The following MCC variants were observed in gnomAD, a reference collection of about 807,000 sequenced individuals.
MCC encodes MCC regulator of Wnt signaling pathway.
In MCC, 90 loss-of-function variants were observed where a neutral mutation model predicts 116.2. The ratio of observed to expected loss-of-function variants is 0.77; its 90% CI spans 0.65 to 0.92. The LOEUF is 0.92. Among genes scored for constraint, MCC ranks in the 40% least tolerant of loss-of-function variants. MCC has a pLI of 0.00. For synonymous variants in MCC, 578 were observed against 510.5 expected (o/e 1.13, Z -1.78); for missense variants, 1,516 against 1,312.2 (o/e 1.16, Z -2.40).
intron 3 of MCC, among the ~76,000 whole-genome samples, chr5:113,202,214 GAAA>G (rs796669446): frequency 6.9e-6 from 1 of 145,156 alleles, no homozygotes; most frequent in African/African-American, 2.5e-5. Context: ...GCAAAAGGGG[GAAA>G]AAAAAAAAGG....
intron 1 of MCC, among the ~76,000 whole-genome samples, chr5:113,424,132 T>TACCC (rs1554082656): frequency 8.9e-6 from 1 of 112,660 alleles, no homozygotes; most frequent in Non-Finnish European, 1.8e-5. Context: ...AGTCATCCTC[T>TACCC]ACACACACAC....
Position 113,434,071 on chromosome 5 carries a change from C to A in MCC, c.171-48859G>T. 2 of 1,614,168 alleles carry A rather than the reference C, an allele frequency of 1.2e-6. No individual in the cohort carries two copies. Among genetic ancestry groups the A allele is most frequent in the Non-Finnish European group, 1.7e-6 (2 of 1,179,986 alleles). The stretch of plus-strand genomic sequence containing the variant: ...TCGTCGATGTGGAGCCGCCGGTTGA[C>A]GTCGGGCTGCAGCATGTGGTAGATG... On this transcript the variant is annotated intron_variant, in intron 1 of 18. Coordinates refer to ENST00000408903, the MANE Select transcript of MCC (RefSeq NM_001085377.2). This position sits in a 1 kb window ranked among gnomAD's most constrained non-coding sequence, Gnocchi z 4.2.
At chr5:113,114,228 A>T (rs756763621) in intron 6 of MCC, among the ~76,000 whole-genome samples, 2 of 152,224 alleles carry the variant, frequency 1.3e-5, no homozygotes, top group Non-Finnish European at 1.5e-5. Context: ...GAAGATTTTT[A>T]AAATAAAAAG....
intron 1 of MCC, among the ~76,000 whole-genome samples, chr5:113,463,620 C>T (rs1561585856): frequency 6.6e-6 from 1 of 152,116 alleles, no homozygotes; most frequent in Non-Finnish European, 1.5e-5. Context: ...TGGGAAGAAT[C>T]CTGAATCCAT....
intron 3 of MCC, among the ~76,000 whole-genome samples, chr5:113,200,519 T>C (rs534678950): frequency 6.6e-6 from 1 of 152,120 alleles, no homozygotes; most frequent in Non-Finnish European, 1.5e-5. Context: ...ACACCAAGAC[T>C]ATCTGGTTCA....
At chr5:113,466,993 T>C (rs1296709079) in intron 1 of MCC, among the ~76,000 whole-genome samples, 1 of 152,160 alleles carries the variant, frequency 6.6e-6, no homozygotes, top group Non-Finnish European at 1.5e-5. Flanking sequence ...TTTTGAGAAG[T>C]GTCTGTTCAT....
intron 1 of MCC, among the ~76,000 whole-genome samples, chr5:113,425,387 C>T (rs1770454015): frequency 1.3e-5 from 2 of 150,882 alleles, no homozygotes; most frequent in African/African-American, 4.9e-5. Flanking sequence ...GGGAGAGGGA[C>T]ACCACCAAAA....
Position 113,069,384 on chromosome 5 carries a change from C to T in MCC, c.1926-1201G>A, listed in dbSNP as rs189458731. On this transcript the variant is annotated intron_variant, in intron 12 of 18. Coordinates refer to ENST00000408903, the MANE Select transcript of MCC (RefSeq NM_001085377.2). Reference sequence around the variant, plus strand: ...TCAAACAACAGTCCCTTTCCTGTAGCGTGAGACCCACGTGGCCCACGTCCA... The same window carrying T: ...TCAAACAACAGTCCCTTTCCTGTAGTGTGAGACCCACGTGGCCCACGTCCA... Among the ~76,000 whole-genome samples the T allele has an allele frequency of 1.0e-3, 154 of 152,362 alleles. 1 individual carries two copies. The highest frequency in any genetic ancestry group is 3.4e-3 in the African/African-American group (140 of 41,576).
intron 14 of MCC, among the ~76,000 whole-genome samples, chr5:113,055,582 AC>A (rs1752778445): frequency 6.6e-6 from 1 of 152,086 alleles, no homozygotes; most frequent in African/African-American, 2.4e-5. Context: ...AGCACTAGAA[AC>A]CCTTTGGGGC....
At chr5:113,043,674 G>GGCAGCACCCTGGAAGCCT in intron 16 of MCC, 44 bp from the exon 17 acceptor site, 1 of 1,440,482 alleles carries the variant, frequency 6.9e-7, no homozygotes, top group Admixed American at 1.7e-5. Flanking sequence ...AATCCAAGCC[G>GGCAGCACCCTGGAAGCCT]GCAGCACCCT....
intron 3 of MCC, among the ~76,000 whole-genome samples, chr5:113,190,260 T>C (rs1388759702): frequency 1.3e-5 from 2 of 152,172 alleles, no homozygotes; most frequent in African/African-American, 4.8e-5. Context: ...TCTAAACTGG[T>C]AGGGCTCTAA....
At chr5:113,280,243 T>A (rs1765991289) in intron 3 of MCC, among the ~76,000 whole-genome samples, 1 of 152,208 alleles carries the variant, frequency 6.6e-6, no homozygotes, top group Admixed American at 6.5e-5. Context: ...CAGATCCTTT[T>A]TCATGGAAAG....
rs370600826 is a variant in MCC, at chr5:113,064,145, G to A, written c.2052C>T (p.Asn684=). ...SSPGDQSGDE[N]ITQMLKRAHD... ...GAGCTCGCTTGAGCATCTGAGTGATGTTTTCATCCCCCGACTGGTCTCCTA... is the reference window on the plus strand; with the variant it reads ...GAGCTCGCTTGAGCATCTGAGTGATATTTTCATCCCCCGACTGGTCTCCTA... The change falls in exon 14 of 19, where the codon AAC becomes AAT. Residue 684 remains asparagine (N), a synonymous_variant. Coordinates refer to ENST00000408903, the MANE Select transcript of MCC (RefSeq NM_001085377.2). 8.1e-6 allele frequency: 13 copies of A among 1,613,018 alleles called. No individual in the cohort carries two copies. The highest frequency in any genetic ancestry group is 1.7e-5 in the Admixed American group (1 of 59,898).
chr5:113,387,193 A>C (rs1291419490), intron 1 of MCC, among the ~76,000 whole-genome samples: 1 of 152,174 alleles, frequency 6.6e-6, no homozygotes, highest in East Asian at 1.9e-4. Context: ...CTCATAGCTT[A>C]AGAAAAGTCA....
intron 16 of MCC, among the ~76,000 whole-genome samples, chr5:113,047,608 G>C (rs781293126): frequency 1.3e-5 from 2 of 152,170 alleles, no homozygotes; most frequent in Non-Finnish European, 2.9e-5. Flanking sequence ...GCTATGAGAA[G>C]CAGCTTATTA....
At chr5:113,387,593 G>T (rs369613486) in intron 1 of MCC, among the ~76,000 whole-genome samples, 21 of 152,300 alleles carry the variant, frequency 1.4e-4, no homozygotes, top group East Asian at 9.7e-4. Flanking sequence ...AATTCTAGAA[G>T]TTCATGTAAT....
chr5:113,327,747 A>G (rs901369897), intron 3 of MCC, among the ~76,000 whole-genome samples: 3 of 150,470 alleles, frequency 2.0e-5, no homozygotes, highest in Non-Finnish European at 4.4e-5. Context: ...AGCAGCTGAC[A>G]TTTGGGCTTT....
chr5:113,203,190 T>C (rs1762759484), intron 3 of MCC: 1 of 151,958 alleles, frequency 6.6e-6, no homozygotes, highest in Admixed American at 6.6e-5. Flanking sequence ...CTGCAAGAGG[T>C]AGACAGGCAC....
chr5:113,057,825 A>G (rs996782034), intron 14 of MCC, among the ~76,000 whole-genome samples: 1 of 152,264 alleles, frequency 6.6e-6, no homozygotes, highest in Non-Finnish European at 1.5e-5. Context: ...ACGCGCGACA[A>G]AATTAGAGCA....
Sources: gnomAD v4.1 joint callset for allele counts (sites outside exome capture counted in the v4.1 genomes callset) on GRCh38, gnomAD v4.1.1 for gene constraint, Gnocchi (gnomAD v3.1) non-coding constraint, MANE v1.5 for transcripts, NCBI Gene and HGNC (gene_info 2026-07-23, HGNC 2026-07-21) for gene names.